The following HELQ variants were observed in gnomAD, a reference collection of about 807,000 sequenced individuals.
HELQ encodes the protein helicase POLQ-like.
A neutral mutation model predicts 111.6 loss-of-function variants in HELQ; 77 were observed. That is an observed-to-expected ratio of 0.69 (90% CI 0.57 to 0.83). The LOEUF (loss-of-function observed/expected upper bound fraction) is 0.83. Among genes scored for constraint, HELQ ranks in the 40% least tolerant of loss-of-function variants. HELQ has a pLI of 0.00. For synonymous variants in HELQ, 438 were observed against 454.7 expected (o/e 0.96, Z 0.47); for missense variants, 1,200 against 1,288.5 (o/e 0.93, Z 1.05).
rs760127609 is a variant in HELQ at position 83,453,823 on chromosome 4, A to T, written c.420T>A (p.Ala140=). Residue 140 remains alanine, a synonymous_variant, in exon 2 of 18, where the codon GCT becomes GCA. Coordinates refer to ENST00000295488, the MANE Select transcript of HELQ (RefSeq NM_133636.5). ...YMQLPEHKKH[A]TDFATENLCS... ...AAAGATTTTCAGTGGCAAAGTCTGTAGCATGTTTCTTATGTTCAGGGAGTT... is the reference window on the plus strand; with the variant it reads ...AAAGATTTTCAGTGGCAAAGTCTGTTGCATGTTTCTTATGTTCAGGGAGTT... 6.2e-7 allele frequency: 1 copy of T among 1,614,128 alleles called. No individual in the cohort carries two copies. Among genetic ancestry groups the T allele is most frequent in the South Asian group, 1.1e-5 (1 of 91,078 alleles).
Position 83,432,280 on chromosome 4 carries a change from T to C in HELQ, c.2049-13A>G. ...TCTTAAAATAACTCTGTGGAATTAA[T>C]GAAAAATGATACTCTACAGCAAACA... On this transcript the variant is annotated splice_polypyrimidine_tract_variant and intron_variant, in intron 9 of 17. Coordinates refer to ENST00000295488, the MANE Select transcript of HELQ (RefSeq NM_133636.5). 6.5e-7 allele frequency: 1 copy of C among 1,528,210 alleles called. No homozygotes were observed. Among genetic ancestry groups the C allele is most frequent in the African/African-American group, 1.4e-5 (1 of 71,790 alleles). The allele number at this position is 1,528,210 out of a possible 1,614,324, so 94.7% of individuals were successfully genotyped here. A position where few individuals can be genotyped will look rare whatever the true frequency, so the allele number is the denominator to read the frequency against.
chr4:83,451,438 G>A (rs560048275), intron 2 of HELQ, among the ~76,000 whole-genome samples: 7 of 152,058 alleles, frequency 4.6e-5, no homozygotes, highest in East Asian at 1.9e-4. Flanking sequence ...TGAGGCAGGC[G>A]GATCACAAGG....
chr4:83,424,659 G>A (rs942101174), intron 14 of HELQ, among the ~76,000 whole-genome samples: 1 of 152,028 alleles, frequency 6.6e-6, no homozygotes, highest in African/African-American at 2.4e-5. Flanking sequence ...CCCAGATCAC[G>A]TGAGTCTCCT....
At chr4:83,434,343 C>T (rs1056223363) in intron 9 of HELQ, among the ~76,000 whole-genome samples, 1 of 152,184 alleles carries the variant, frequency 6.6e-6, no homozygotes, top group African/African-American at 2.4e-5. Flanking sequence ...TGCACTCCAG[C>T]CTGGCCACTG....
intron 11 of HELQ, among the ~76,000 whole-genome samples, chr4:83,430,314 TGA>T (rs1491433163): frequency 2.6e-5 from 3 of 116,758 alleles, no homozygotes; most frequent in African/African-American, 9.7e-5. Context: ...AAAAAAGAAC[TGA>T]AAAAAAAAAT....
Position 83,407,476 on chromosome 4 carries a change from C to G in HELQ, c.3283G>C (p.Ala1095Pro). Residue 1095 changes from alanine (A) to proline (P), a missense_variant, in exon 18 of 18, where the codon GCT (alanine) becomes CCT (proline). Around this residue, in one of 3 missense-constraint regions of HELQ, gnomAD observed 585 missense variants for 665.3 expected, o/e 0.88. Transcript: ENST00000295488. ...CTTCATGCTTTGTCAGTGGAAGAAG[C>G]CACAGCACCAGGGAAATCAGAAGGC... ...RLPSDFPGAV[A>P]SSTDKA is the part of the protein sequence containing the mutation. The G allele has an allele frequency of 1.9e-6, 3 of 1,606,080 alleles. No homozygotes were observed. Among genetic ancestry groups the G allele is most frequent in the Non-Finnish European group, 2.5e-6 (3 of 1,176,984 alleles).
chr4:83,437,286 T>G (rs1401856717), intron 8 of HELQ, among the ~76,000 whole-genome samples, 189 bp from the exon 9 acceptor site: 2 of 152,204 alleles, frequency 1.3e-5, no homozygotes, highest in African/African-American at 4.8e-5. Flanking sequence ...TCAATCTTTT[T>G]GTGGATTACA....
intron 17 of HELQ, among the ~76,000 whole-genome samples, chr4:83,415,676 A>G (rs112273071): frequency 0.081 from 12,334 of 151,452 alleles, 607 homozygotes; most frequent in Middle Eastern, 0.13. Context: ...TCTGTCACCC[A>G]GGTTGGAGTG....
In HELQ at chr4:83,453,545, T is replaced by C. The variant is rs774666046; in HGVS notation, c.698A>G (p.Glu233Gly). ...WKSSSHNTVNEELPHNCIEQP... is the reference protein window; with the variant it reads ...WKSSSHNTVNGELPHNCIEQP... ...CTCTATGCAATTATGGGGCAGTTCC[T>C]CATTCACAGTGTTGTGAGAGGATGA... The change falls in exon 2 of 18, where the codon GAG becomes GGG. Residue 233 changes from glutamate to glycine, a missense_variant. Around this residue, in one of 3 missense-constraint regions of HELQ, gnomAD observed 610 missense variants for 607.1 expected, o/e 1.00. Transcript: ENST00000295488. 3.1e-6 allele frequency: 5 copies of C among 1,613,502 alleles called. No homozygotes were observed. In the African/African-American group the frequency reaches 4.0e-5, roughly 13 times the overall value.
intron 14 of HELQ, among the ~76,000 whole-genome samples, chr4:83,424,494 C>A (rs1719737633): frequency 6.6e-6 from 1 of 152,186 alleles, no homozygotes; most frequent in Non-Finnish European, 1.5e-5. Flanking sequence ...CTCCTGAGTA[C>A]AAGCAAATCC....
intron 8 of HELQ, among the ~76,000 whole-genome samples, chr4:83,437,459 A>G (rs1720521146): frequency 6.6e-6 from 1 of 152,062 alleles, no homozygotes; most frequent in African/African-American, 2.4e-5. Flanking sequence ...AAAAATAACA[A>G]AAATTAGCCG....
Position 83,453,585 on chromosome 4 carries a change from C to A in HELQ, c.658G>T (p.Glu220Ter). 6.2e-7 allele frequency: 1 copy of A among 1,612,862 alleles called. No homozygotes were observed. The highest frequency in any genetic ancestry group is 8.5e-7 in the Non-Finnish European group (1 of 1,179,040). The change falls in exon 2 of 18, where the codon GAA (glutamate) becomes TAA (stop). Residue 220 changes from glutamate to a stop codon, truncating the protein, a stop_gained. Coordinates refer to ENST00000295488, the MANE Select transcript of HELQ (RefSeq NM_133636.5). LOFTEE classifies it high-confidence loss of function. ...SNDLGDHSMKERDWKSSSHNT... is the reference protein window; with the variant it reads ...SNDLGDHSMK ...TGAGAGGATGACTTCCAATCCCTTT[C>A]TTTCATAGAATGATCACCCAAATCA...
At chr4:83,420,320 T>C (rs1277125270) in intron 15 of HELQ, among the ~76,000 whole-genome samples, 4 of 152,204 alleles carry the variant, frequency 2.6e-5, no homozygotes, top group African/African-American at 7.2e-5. Flanking sequence ...GAAGCAAATA[T>C]ACTAAATTAC....
In HELQ at chr4:83,436,875, G is replaced by T; in HGVS notation, c.2031C>A (p.Val677=). ...FTCTSTLAAG[V]NLPARRVILR... The stretch of plus-strand genomic sequence containing the variant: ...TCTCTTACCTTCGAGCTGGTAGGTT[G>T]ACACCTGCCGCTAGGGTAGATGTGC... The change falls in exon 9 of 18, where the codon GTC becomes GTA. Residue 677 remains valine, a synonymous_variant. Coordinates refer to ENST00000295488, the MANE Select transcript of HELQ (RefSeq NM_133636.5). 6.2e-7 allele frequency: 1 copy of T among 1,613,938 alleles called. No homozygotes were observed. Among genetic ancestry groups the T allele is most frequent in the South Asian group, 1.1e-5 (1 of 91,014 alleles).
Position 83,455,489 on chromosome 4 carries a change from A to C in HELQ, c.205T>G (p.Ser69Ala), listed in dbSNP as rs775040500. 6 of 1,613,986 alleles carry C rather than the reference A, an allele frequency of 3.7e-6. No individual in the cohort carries two copies. Among genetic ancestry groups the C allele is most frequent in the South Asian group, 1.1e-5 (1 of 91,074 alleles). Residue 69 changes from serine (S) to alanine (A), a missense_variant, in exon 1 of 18, where the codon TCA becomes GCA. By Grantham distance (99) the Ser-to-Ala change is moderately conservative (BLOSUM62 1). This residue lies in a region of HELQ where 610 missense variants were observed against 607.1 expected (regional missense o/e 1.00). Transcript: ENST00000295488. The stretch of plus-strand genomic sequence containing the variant: ...AGGACGAGACATTCCGGGGAATCTG[A>C]GAGTAGAAGGGGCTGTACCTCAACC... Reference protein sequence around the residue: ...LPVEVQPLLLSDSPECLVLGG... With the variant: ...LPVEVQPLLLADSPECLVLGG...
chr4:83,452,229 A>G (rs1721419917), intron 2 of HELQ, among the ~76,000 whole-genome samples: 1 of 152,226 alleles, frequency 6.6e-6, no homozygotes, highest in South Asian at 2.1e-4. Flanking sequence ...AAACTTTCTT[A>G]AAACATTATG....
intron 17 of HELQ, among the ~76,000 whole-genome samples, chr4:83,415,271 C>T (rs1384819691): frequency 1.3e-5 from 2 of 152,086 alleles, no homozygotes; most frequent in East Asian, 3.9e-4. Context: ...TTATTTAATA[C>T]AGATAAAAGC....
In HELQ at chr4:83,426,022, T is replaced by C. The variant is rs760253022; in HGVS notation, c.2747A>G (p.Lys916Arg). ...ILGVSESFIG[K>R]KASGQAIGKK... ...TCCGATGGCTTGGCCTGATGCTTTC[T>C]TCCCAATAAAGCTTTCAGAGACTCC... Residue 916 changes from lysine to arginine, a missense_variant, in exon 14 of 18, where the codon AAG (lysine) becomes AGG (arginine). Physicochemically the swap from Lys to Arg is conservative, Grantham distance 26 (BLOSUM62 2). Around this residue, in one of 3 missense-constraint regions of HELQ, gnomAD observed 585 missense variants for 665.3 expected, o/e 0.88. Coordinates refer to ENST00000295488, the MANE Select transcript of HELQ (RefSeq NM_133636.5). 3.1e-6 allele frequency: 5 copies of C among 1,608,490 alleles called. No homozygotes were observed. In the East Asian group the frequency reaches 6.7e-5, roughly 22 times the overall value.
At position 83,453,604 on chromosome 4, in the gene HELQ, C is replaced by G. The variant is rs1207729839; in HGVS notation, c.639G>C (p.Leu213Phe). Residue 213 changes from leucine (L) to phenylalanine (F), a missense_variant, in exon 2 of 18, where the codon TTG becomes TTC. Physicochemically the swap from Leu to Phe is conservative, Grantham distance 22. Transcript: ENST00000295488. The part of the protein sequence containing the change: ...FENLQNSSND[L>F]GDHSMKERDW... The stretch of plus-strand genomic sequence containing the variant: ...CCCTTTCTTTCATAGAATGATCACC[C>G]AAATCATTTGAAGAGTTCTGCAAAT... 1 of 1,612,290 alleles carries G rather than the reference C, an allele frequency of 6.2e-7. No homozygotes were observed. The highest frequency in any genetic ancestry group is 8.5e-7 in the Non-Finnish European group (1 of 1,178,500).
Sources: gnomAD v4.1 joint callset for allele counts (sites outside exome capture counted in the v4.1 genomes callset) on GRCh38, gnomAD v4.1.1 for gene constraint, gnomAD v4.1.1 regional missense constraint, MANE v1.5 for transcripts, NCBI Gene and HGNC (gene_info 2026-07-23, HGNC 2026-07-21) for gene names.